PTPRF: variants seen among roughly 807,000 people sequenced by gnomAD.
PTPRF encodes the protein protein tyrosine phosphatase receptor type F.
A neutral mutation model predicts 201.8 loss-of-function variants in PTPRF; 59 were observed. The ratio of observed to expected loss-of-function variants is 0.29; its 90% CI spans 0.24 to 0.36. PTPRF has a LOEUF of 0.36. Among genes scored for constraint, PTPRF ranks in the 10% least tolerant of loss-of-function variants. PTPRF has a pLI of 1.00. For synonymous variants in PTPRF, 1,088 were observed against 1,089.7 expected, an observed-to-expected ratio of 1.00 and a Z score of 0.03; for missense variants, 2,132 against 2,690.5, an observed-to-expected ratio of 0.79 and a Z score of 4.59.
chr1:43,591,441 G>A lies in PTPRF; in HGVS notation c.1419G>A (p.Thr473=), dbSNP rs753860562. ...ACAACACCGACGCGGGGCTCCTCAC[G>A]ACCGTGGGCAGCCTGCTGCCTGGCA... ...HKHNTDAGLL[T]TVGSLLPGIT... Residue 473 remains threonine, a synonymous_variant, in exon 9 of 34, where the codon ACG becomes ACA. Transcript: ENST00000359947. The A allele has an allele frequency of 1.3e-5, 21 of 1,590,316 alleles. No homozygotes were observed. The highest frequency in any genetic ancestry group is 1.1e-4 in the East Asian group (5 of 44,002).
chr1:43,577,240 G>T (rs7349107), intron 6 of PTPRF, among the ~76,000 whole-genome samples: 38,305 of 152,056 alleles, frequency 0.25, 5,638 homozygotes, highest in Non-Finnish European at 0.33. Context: ...CGACCCCTCA[G>T]CGGCCTGAAC....
intron 8 of PTPRF, among the ~76,000 whole-genome samples, chr1:43,589,603 G>T (rs11210880): frequency 0.26 from 39,435 of 150,972 alleles, 6,069 homozygotes; most frequent in East Asian, 0.48. Flanking sequence ...ATTCCTGTAA[G>T]CCTAGCGCTT....
At chr1:43,538,415 G>A (rs1437537569) in intron 2 of PTPRF, 138 bp downstream of exon 2, 1 of 396,902 alleles carries the variant, frequency 2.5e-6, no homozygotes, top group Non-Finnish European at 4.4e-6. Context: ...ATGATCCAGT[G>A]TGCACTGGTG....
chr1:43,583,180 C>T (rs555495337), intron 7 of PTPRF: 1 of 886,058 alleles, frequency 1.1e-6, no homozygotes, highest in African/African-American at 1.8e-5. Context: ...TCGGTCAGCT[C>T]CCTCAGGCTC....
At chr1:43,586,117 A>G (rs2154006020) in intron 7 of PTPRF, among the ~76,000 whole-genome samples, 2 of 152,330 alleles carry the variant, frequency 1.3e-5, no homozygotes, top group Admixed American at 1.3e-4. Context: ...GCTTGGTTTT[A>G]AAACAGTTCC....
In PTPRF at chr1:43,557,504, C is replaced by T. The variant is rs183789337; in HGVS notation, c.379+3563C>T. On this transcript the variant is annotated intron_variant, in intron 5 of 33. Transcript: ENST00000359947. ...ACAAAATTAACTGGGCGTGGTGGCG[C>T]ACGCCTGTAGTCCCAGCTACTTGGG... Among the ~76,000 whole-genome samples the T allele has an allele frequency of 6.4e-3, 968 of 152,248 alleles. 4 individuals carry two copies. Among genetic ancestry groups the T allele is most frequent in the Non-Finnish European group, 8.3e-3 (563 of 68,018 alleles).
At chr1:43,613,366 A>G in intron 22 of PTPRF, 1 of 459,922 alleles carries the variant, frequency 2.2e-6, no homozygotes, top group Non-Finnish European at 4.0e-6. Context: ...CCTGCCAGGC[A>G]GGGCCTAGTG....
upstream of PTPRF, among the ~76,000 whole-genome samples, chr1:43,529,081 A>C (rs1282550926): frequency 6.6e-6 from 1 of 152,206 alleles, no homozygotes. Flanking sequence ...TACTTTTAAA[A>C]TTTGGGGGCC....
chr1:43,545,375 C>A (rs1041810840), intron 3 of PTPRF, among the ~76,000 whole-genome samples: 12 of 152,052 alleles, frequency 7.9e-5, no homozygotes, highest in Non-Finnish European at 1.3e-4. Flanking sequence ...GGCACCAGAG[C>A]GGGGCAGTCG....
At chr1:43,619,233 G>T in intron 27 of PTPRF, 31 bp downstream of exon 27, 1 of 1,606,472 alleles carries the variant, frequency 6.2e-7, no homozygotes. Context: ...CCAGAGGGGT[G>T]GGTGGGGTGG....
In PTPRF at chr1:43,588,954, C is replaced by A; in HGVS notation, c.903C>A (p.Ile301=). The A allele has an allele frequency of 1.9e-6, 3 of 1,585,126 alleles. No individual in the cohort carries two copies. Among genetic ancestry groups the A allele is most frequent in the African/African-American group, 1.3e-5 (1 of 74,698 alleles). Reference sequence around the variant, plus strand: ...CTGCCAACTACACCTGTGTGGCCATCTCCTCGCTGGGCATGATCGAGGCCA... The same window carrying A: ...CTGCCAACTACACCTGTGTGGCCATATCCTCGCTGGGCATGATCGAGGCCA... The part of the protein sequence containing the change: ...VRSANYTCVA[I]SSLGMIEATA... Residue 301 remains isoleucine (I), a synonymous_variant, in exon 8 of 34, where the codon ATC becomes ATA. Coordinates refer to ENST00000359947, the MANE Select transcript of PTPRF (RefSeq NM_002840.5). The surrounding 1 kb of genome is among the most constrained non-coding windows in gnomAD (Gnocchi z 5.3).
At position 43,580,781 on chromosome 1, in the gene PTPRF, C is replaced by T. The variant is rs148874575; in HGVS notation, c.679+1861C>T. 1.7e-3 allele frequency among the ~76,000 whole-genome samples: 262 copies of T among 152,310 alleles called. 1 individual carries two copies. Among genetic ancestry groups the T allele is most frequent in the African/African-American group, 6.1e-3 (254 of 41,566 alleles). On this transcript the variant is annotated intron_variant, in intron 7 of 33. Coordinates refer to ENST00000359947, the MANE Select transcript of PTPRF (RefSeq NM_002840.5). ...AGCTCTGCTCACAAGACTGTAGGGT[C>T]GAGAGTGGCAGTTCCAGGCCTCAGC...
chr1:43,591,918 G>A lies in PTPRF; in HGVS notation c.1638G>A (p.Val546=), dbSNP rs1557793898. ...PQERIIMYEL[V]YWAAEDEDQQ... Reference sequence around the variant, plus strand: ...AGCGGATCATCATGTATGAACTGGTGTACTGGGCGGCAGAGGACGAAGACC... The same window carrying A: ...AGCGGATCATCATGTATGAACTGGTATACTGGGCGGCAGAGGACGAAGACC... The change falls in exon 10 of 34, where the codon GTG becomes GTA. Residue 546 remains valine, a synonymous_variant. Transcript: ENST00000359947. The A allele has an allele frequency of 3.7e-6, 6 of 1,613,724 alleles. No individual in the cohort carries two copies. Among genetic ancestry groups the A allele is most frequent in the Non-Finnish European group, 4.2e-6 (5 of 1,180,016 alleles).
At chr1:43,569,930 C>T in intron 6 of PTPRF, 152 bp downstream of exon 6, 1 of 908,860 alleles carries the variant, frequency 1.1e-6, no homozygotes, top group Non-Finnish European at 1.6e-6. Context: ...GCAGGTGTGC[C>T]TGGCTCAGGG....
At chr1:43,601,129 C>G (rs1398963534) in intron 13 of PTPRF, among the ~76,000 whole-genome samples, 2 of 152,206 alleles carry the variant, frequency 1.3e-5, no homozygotes, top group South Asian at 2.1e-4. Flanking sequence ...CTTAGGCCAC[C>G]CAGCATGGAG....
upstream of PTPRF, among the ~76,000 whole-genome samples, chr1:43,526,337 G>A (rs539432392): frequency 6.6e-6 from 1 of 152,290 alleles, no homozygotes; most frequent in Admixed American, 6.5e-5. Flanking sequence ...CATGGCTGCT[G>A]TAATCCCAGC....
At chr1:43,612,817 C>T in intron 22 of PTPRF, 8 of 1,362,846 alleles carry the variant, frequency 5.9e-6, no homozygotes, top group Non-Finnish European at 7.9e-6. Flanking sequence ...TTTCAAAGTT[C>T]CCGTGTTTGG....
chr1:43,610,040 A>G (rs1195576982), intron 22 of PTPRF, among the ~76,000 whole-genome samples: 3 of 151,924 alleles, frequency 2.0e-5, no homozygotes, highest in Non-Finnish European at 4.4e-5. Context: ...ACTCCTCCCA[A>G]CACCCAGCAG....
chr1:43,618,234 G>C (rs1282100629), intron 25 of PTPRF, among the ~76,000 whole-genome samples: 1 of 152,190 alleles, frequency 6.6e-6, no homozygotes, highest in East Asian at 1.9e-4. Flanking sequence ...GTGTTCCTGG[G>C]GCATTAACAC....
Sources: gnomAD v4.1 joint callset for allele counts (sites outside exome capture counted in the v4.1 genomes callset) on GRCh38, gnomAD v4.1.1 for gene constraint, Gnocchi (gnomAD v3.1) non-coding constraint, MANE v1.5 for transcripts, NCBI Gene and HGNC (gene_info 2026-07-23, HGNC 2026-07-21) for gene names.